Variants in KCNMA1 observed in about 807,000 individuals in gnomAD.
The protein encoded by KCNMA1 is Calcium-activated potassium channel subunit alpha-1.
A neutral mutation model predicts 140.0 loss-of-function variants in KCNMA1; 29 were observed. The observed-to-expected ratio is 0.21, with a 90% CI of 0.15 to 0.28. The LOEUF is 0.28. KCNMA1 is among the 10% of genes least tolerant of loss of function. The pLI is 1.00. For synonymous variants in KCNMA1, 612 were observed against 611.9 expected, an observed-to-expected ratio of 1.00 and a Z score of 0.00; for missense variants, 880 against 1,602.2, an observed-to-expected ratio of 0.55 and a Z score of 7.70.
chr10:77,490,596 G>C (rs1242155776), intron 1 of KCNMA1, among the ~76,000 whole-genome samples: 1 of 152,200 alleles, frequency 6.6e-6, no homozygotes, highest in South Asian at 2.1e-4. Context: ...ACTAGGTTAT[G>C]TCATTTAATC....
intron 10 of KCNMA1, among the ~76,000 whole-genome samples, chr10:77,087,765 G>A (rs1243291547): frequency 2.0e-5 from 3 of 152,122 alleles, no homozygotes; most frequent in Non-Finnish European, 4.4e-5. Context: ...ACCGTGCTAG[G>A]CACTGGGAGA....
chr10:77,159,785 C>G (rs2098534920), intron 5 of KCNMA1, among the ~76,000 whole-genome samples: 1 of 152,156 alleles, frequency 6.6e-6, no homozygotes, highest in African/African-American at 2.4e-5. Flanking sequence ...CCTGTTCCCC[C>G]AGCACTCTCC....
chr10:76,891,505 C>A lies in KCNMA1; in HGVS notation c.3342+20G>T, dbSNP rs1467803047. On this transcript the variant is annotated intron_variant, in intron 26 of 27. Coordinates refer to ENST00000286628, the MANE Select transcript of KCNMA1 (RefSeq NM_001161352.2). ...TTTCCCAAACAGCAAGCTCAGGTGA[C>A]CTCGGTGCTGTGGACTCACCCCTAA... 6.2e-7 allele frequency: 1 copy of A among 1,604,242 alleles called. No homozygotes were observed. Among genetic ancestry groups the A allele is most frequent in the Non-Finnish European group, 8.5e-7 (1 of 1,173,822 alleles).
intron 3 of KCNMA1, among the ~76,000 whole-genome samples, chr10:77,238,729 A>C (rs925567935): frequency 1.3e-5 from 2 of 152,210 alleles, no homozygotes; most frequent in Admixed American, 1.3e-4. Flanking sequence ...TCTGGCAGTC[A>C]CCTGATCTTC....
At chr10:77,198,101 C>A (rs1372986542) in intron 3 of KCNMA1, among the ~76,000 whole-genome samples, 1 of 152,132 alleles carries the variant, frequency 6.6e-6, no homozygotes, top group African/African-American at 2.4e-5. Flanking sequence ...TTTTTAACAT[C>A]AACCATAATT....
At chr10:77,400,949 T>C (rs915377403) in intron 2 of KCNMA1, among the ~76,000 whole-genome samples, 4 of 151,652 alleles carry the variant, frequency 2.6e-5, no homozygotes, top group African/African-American at 9.7e-5. Flanking sequence ...ATCTTCTGCT[T>C]GGTGTCAGTG....
intron 1 of KCNMA1, among the ~76,000 whole-genome samples, chr10:77,625,987 A>G (rs908257302): frequency 1.3e-5 from 2 of 151,454 alleles, no homozygotes; most frequent in African/African-American, 2.4e-5. Flanking sequence ...AAGGGTTCCA[A>G]TTTCTCCACA....
intron 20 of KCNMA1, among the ~76,000 whole-genome samples, chr10:76,965,175 G>A (rs551463598): frequency 5.9e-5 from 9 of 152,312 alleles, no homozygotes; most frequent in African/African-American, 2.2e-4. Context: ...ACCCCACTAA[G>A]TAGGGAGAAT....
chr10:77,242,854 G>A (rs1243719086), intron 3 of KCNMA1, among the ~76,000 whole-genome samples: 2 of 149,104 alleles, frequency 1.3e-5, no homozygotes, highest in East Asian at 4.0e-4. Flanking sequence ...ATTCCCCCAT[G>A]CTCTTCTTCT....
chr10:77,162,330 G>T (rs947289722), intron 5 of KCNMA1, among the ~76,000 whole-genome samples: 2 of 152,288 alleles, frequency 1.3e-5, no homozygotes, highest in East Asian at 1.9e-4. Flanking sequence ...GGATTCTGGA[G>T]GATTGCAAAT....
intron 2 of KCNMA1, among the ~76,000 whole-genome samples, chr10:77,380,066 A>G: frequency 6.6e-6 from 1 of 152,214 alleles, no homozygotes; most frequent in East Asian, 1.9e-4. Context: ...GTTCATTATT[A>G]GTTGGGGTTA....
intron 1 of KCNMA1, among the ~76,000 whole-genome samples, chr10:77,462,916 G>T (rs544199359): frequency 1.3e-5 from 2 of 152,156 alleles, no homozygotes; most frequent in Non-Finnish European, 2.9e-5. Context: ...TGGCCTCTTG[G>T]TGGAGTGTTG....
intron 3 of KCNMA1, among the ~76,000 whole-genome samples, chr10:77,232,256 T>C (rs1044108630): frequency 6.6e-6 from 1 of 152,234 alleles, no homozygotes; most frequent in African/African-American, 2.4e-5. Context: ...TGTATTTTCA[T>C]TTCTGTTGGG....
chr10:77,151,713 C>T (rs1425782498), intron 5 of KCNMA1, among the ~76,000 whole-genome samples: 1 of 152,194 alleles, frequency 6.6e-6, no homozygotes, highest in African/African-American at 2.4e-5. Context: ...ATCCCACTCA[C>T]ACCAGGAGGA....
At chr10:77,279,537 A>G (rs2067733660) in intron 2 of KCNMA1, among the ~76,000 whole-genome samples, 1 of 152,228 alleles carries the variant, frequency 6.6e-6, no homozygotes, top group Non-Finnish European at 1.5e-5. Context: ...GTCTCACAGA[A>G]GCAGGGAGAT....
intron 20 of KCNMA1, among the ~76,000 whole-genome samples, chr10:76,961,526 A>C (rs2071422644): frequency 6.6e-6 from 1 of 152,226 alleles, no homozygotes; most frequent in Non-Finnish European, 1.5e-5. Context: ...CAGAGTATGA[A>C]AGGATTGACT....
In KCNMA1 at chr10:77,280,257, T is replaced by C. The variant is rs547117033; in HGVS notation, c.541-29001A>G. Among the ~76,000 whole-genome samples the C allele has an allele frequency of 1.2e-4, 19 of 152,332 alleles. No individual in the cohort carries two copies. In the South Asian group the frequency reaches 1.9e-3, roughly 15 times the overall value. On this transcript the variant is annotated intron_variant, in intron 2 of 27. Coordinates refer to ENST00000286628, the MANE Select transcript of KCNMA1 (RefSeq NM_001161352.2). ...GAAGTATGCTGCTACAAGGGATGCA[T>C]TGACAGACTCCAGAGAACGCCACTC...
chr10:77,063,114 AGTGAAAATGTATATCTCAGCCAGGCAC>A (rs1262646387), intron 14 of KCNMA1, among the ~76,000 whole-genome samples: 1 of 152,196 alleles, frequency 6.6e-6, no homozygotes, highest in African/African-American at 2.4e-5. Flanking sequence ...AAAGAATTTA[AGTGAAAATGTATATCTCAGCCAGGCAC>A]GGTGGCTCAT....
chr10:77,144,777 C>A (rs1383752607), intron 5 of KCNMA1, among the ~76,000 whole-genome samples: 2 of 152,094 alleles, frequency 1.3e-5, no homozygotes, highest in Non-Finnish European at 2.9e-5. Flanking sequence ...TGGCATGAAA[C>A]CCCTGCAACT....
Sources: allele counts gnomAD v4.1 joint callset (sites outside exome capture counted in the v4.1 genomes callset), GRCh38; gene constraint gnomAD v4.1.1; transcripts MANE v1.5; gene names NCBI Gene and HGNC (gene_info 2026-07-23, HGNC 2026-07-21).